Variants in TENM3 observed in about 807,000 individuals in gnomAD.
TENM3 encodes the protein teneurin-3.
In TENM3, 63 loss-of-function variants were observed where a neutral mutation model predicts 255.1. The observed-to-expected ratio is 0.25, with a 90% CI of 0.20 to 0.30. The LOEUF (loss-of-function observed/expected upper bound fraction) is 0.30, where lower values mean the gene tolerates loss of function less well. Ranked by LOEUF, TENM3 falls within the 10% of genes least tolerant of loss-of-function variation. The pLI is 1.00. For synonymous variants in TENM3, 1,306 were observed against 1,322.3 expected (o/e 0.99, Z 0.27); for missense variants, 2,929 against 3,461.1 (o/e 0.85, Z 3.86).
chr4:182,484,713 G>A (rs4626248), intron 3 of TENM3, among the ~76,000 whole-genome samples: 71,021 of 151,904 alleles, frequency 0.47, 18,006 homozygotes, highest in East Asian at 0.75. Flanking sequence ...TGTATTAAAA[G>A]TTATGCAAAT....
the TENM3 span, among the ~76,000 whole-genome samples, chr4:182,066,343 A>G: frequency 6.6e-6 from 1 of 152,116 alleles, no homozygotes; most frequent in Non-Finnish European, 1.5e-5. Context: ...TGTGTAATGT[A>G]CTTAGCATAC....
At chr4:182,195,231 C>T (rs989115186) in intron 1 of TENM3, among the ~76,000 whole-genome samples, 1 of 152,096 alleles carries the variant, frequency 6.6e-6, no homozygotes, top group African/African-American at 2.4e-5. Context: ...AAGGAAGCCC[C>T]CAAAACGTGC....
the TENM3 span, among the ~76,000 whole-genome samples, chr4:181,570,581 G>GAAA: frequency 6.7e-6 from 1 of 149,446 alleles, no homozygotes; most frequent in Non-Finnish European, 1.5e-5. Flanking sequence ...GGAAAAGAGA[G>GAAA]AAAAAGAAAG....
chr4:182,686,294 A>G (rs1011405363), intron 11 of TENM3, among the ~76,000 whole-genome samples: 2 of 152,138 alleles, frequency 1.3e-5, no homozygotes, highest in African/African-American at 4.8e-5. Flanking sequence ...TAGAATTCAT[A>G]GTAAAGGTCT....
chr4:182,096,001 C>G, the TENM3 span, among the ~76,000 whole-genome samples: 1 of 151,644 alleles, frequency 6.6e-6, no homozygotes, highest in East Asian at 1.9e-4. Flanking sequence ...CGGTGGCACA[C>G]GCCTGTAAGT....
At chr4:181,978,387 G>A in the TENM3 span, among the ~76,000 whole-genome samples, 1 of 152,158 alleles carries the variant, frequency 6.6e-6, no homozygotes, top group Non-Finnish European at 1.5e-5. Flanking sequence ...GGTGGCTCAT[G>A]CCTATAATCC....
chr4:182,661,342 A>C (rs1754212435), intron 6 of TENM3, among the ~76,000 whole-genome samples: 1 of 151,794 alleles, frequency 6.6e-6, no homozygotes, highest in Admixed American at 6.6e-5. Context: ...CTGGGACTAA[A>C]TTTTACATTT....
intron 3 of TENM3, among the ~76,000 whole-genome samples, chr4:182,514,089 C>T (rs1375698572): frequency 6.6e-6 from 1 of 152,234 alleles, no homozygotes; most frequent in Non-Finnish European, 1.5e-5. Flanking sequence ...ATGCCCCCTC[C>T]TCTTGGGAAC....
At chr4:181,890,088 G>C in the TENM3 span, among the ~76,000 whole-genome samples, 1 of 152,172 alleles carries the variant, frequency 6.6e-6, no homozygotes, top group Non-Finnish European at 1.5e-5. Flanking sequence ...TAGAGTTTCT[G>C]TCAGGTATGA....
At position 182,211,930 on chromosome 4, in the gene TENM3, A is replaced by G. The variant is rs1255286949; in HGVS notation, c.-76+67176A>G. The stretch of plus-strand genomic sequence containing the variant: ...AACCGAAAGGTTTTTCACTAGGAAT[A>G]GTGAGTTTTTACATGGAAAGTACGT... On this transcript the variant is annotated intron_variant, in intron 1 of 2. Transcript: ENST00000512480. Among the ~76,000 whole-genome samples, 12 of 152,324 alleles carry G rather than the reference A, an allele frequency of 7.9e-5. No individual in the cohort carries two copies. The South Asian group carries it at 2.3e-3, about 29-fold the overall frequency.
the TENM3 span, among the ~76,000 whole-genome samples, chr4:181,738,915 G>C: frequency 6.6e-6 from 1 of 151,840 alleles, no homozygotes; most frequent in Non-Finnish European, 1.5e-5. Flanking sequence ...TATTCCAGGA[G>C]AACAGCCTCT....
At chr4:181,968,365 C>T in the TENM3 span, among the ~76,000 whole-genome samples, 4 of 152,146 alleles carry the variant, frequency 2.6e-5, no homozygotes, top group Non-Finnish European at 5.9e-5. Context: ...AACTGGCATT[C>T]GGGCCGCGGT....
At chr4:182,468,472 A>G (rs1732800827) in intron 3 of TENM3, among the ~76,000 whole-genome samples, 1 of 152,204 alleles carries the variant, frequency 6.6e-6, no homozygotes. Flanking sequence ...AGACGCCTCA[A>G]AGACCTTCAA....
At chr4:181,913,102 AG>A in the TENM3 span, among the ~76,000 whole-genome samples, 2 of 152,176 alleles carry the variant, frequency 1.3e-5, no homozygotes, top group Admixed American at 6.6e-5. Flanking sequence ...TAACACGGAG[AG>A]GAAAAGAAAA....
At chr4:181,868,500 C>A in the TENM3 span, among the ~76,000 whole-genome samples, 1 of 152,176 alleles carries the variant, frequency 6.6e-6, no homozygotes, top group Non-Finnish European at 1.5e-5. Context: ...TCAACCCCAG[C>A]AAACATCACC....
At chr4:182,435,782 G>A (rs137941378) in intron 3 of TENM3, among the ~76,000 whole-genome samples, 21 of 152,284 alleles carry the variant, frequency 1.4e-4, no homozygotes, top group African/African-American at 5.1e-4. Context: ...TGCAGAGGAA[G>A]GTGATCTTTA....
the TENM3 span, among the ~76,000 whole-genome samples, chr4:181,802,992 G>A: frequency 3.3e-5 from 5 of 152,140 alleles, no homozygotes; most frequent in East Asian, 3.9e-4. Flanking sequence ...CATATCATTA[G>A]AATAGAGGCT....
intron 1 of TENM3, among the ~76,000 whole-genome samples, chr4:182,203,166 G>A (rs1257726715): frequency 1.3e-5 from 2 of 151,580 alleles, no homozygotes; most frequent in Admixed American, 6.6e-5. Context: ...GCAGTGAGCC[G>A]AGATCGTGCC....
chr4:182,700,604 G>A (rs1757775456), intron 12 of TENM3, among the ~76,000 whole-genome samples: 1 of 152,164 alleles, frequency 6.6e-6, no homozygotes, highest in Non-Finnish European at 1.5e-5. Flanking sequence ...GAACCCAGCT[G>A]TCTGAAATAT....
Sources: allele counts gnomAD v4.1 joint callset (sites outside exome capture counted in the v4.1 genomes callset), GRCh38; gene constraint gnomAD v4.1.1; transcripts MANE v1.5; gene names NCBI Gene and HGNC (gene_info 2026-07-23, HGNC 2026-07-21).